Variants in TEAD1 observed in about 807,000 individuals in gnomAD.
The protein encoded by TEAD1 is TEA domain transcription factor 1.
TEAD1 carries 9 observed loss-of-function variants against 54.9 expected under a neutral mutation model. The ratio of observed to expected loss-of-function variants is 0.16; its 90% CI spans 0.10 to 0.29. The LOEUF is 0.29. TEAD1 is among the 10% of genes least tolerant of loss of function. The pLI is 1.00. For missense variants in TEAD1, 387 were observed against 535.9 expected (o/e 0.72, Z 2.74); for synonymous variants, 200 against 187.8 (o/e 1.07, Z -0.53).
intron 3 of TEAD1, among the ~76,000 whole-genome samples, chr11:12,833,270 T>C (rs1243291427): frequency 1.3e-5 from 2 of 152,142 alleles, no homozygotes; most frequent in Non-Finnish European, 2.9e-5. Flanking sequence ...ACTTTATCAA[T>C]GAGTTGAAAA....
chr11:12,745,949 TA>T (rs983852631), intron 2 of TEAD1, among the ~76,000 whole-genome samples: 36 of 152,340 alleles, frequency 2.4e-4, no homozygotes, highest in African/African-American at 8.7e-4. Flanking sequence ...TCTTGAGGCT[TA>T]CCTGCCTGGC....
intron 2 of TEAD1, among the ~76,000 whole-genome samples, chr11:12,727,978 A>T (rs1003272904): frequency 1.3e-5 from 2 of 151,978 alleles, no homozygotes; most frequent in Non-Finnish European, 2.9e-5. Flanking sequence ...TTGCCATTAT[A>T]CCACTGTTTC....
intron 2 of TEAD1, among the ~76,000 whole-genome samples, chr11:12,680,722 G>T (rs902963701): frequency 4.6e-5 from 7 of 152,192 alleles, no homozygotes; most frequent in Non-Finnish European, 8.8e-5. Context: ...ATCCCTACTG[G>T]GATAGGGGGA....
intron 3 of TEAD1, among the ~76,000 whole-genome samples, chr11:12,813,022 G>A (rs1393085817): frequency 1.3e-5 from 2 of 152,234 alleles, no homozygotes; most frequent in Non-Finnish European, 2.9e-5. Flanking sequence ...GAGCAGAATA[G>A]CTGGTGTCCA....
At chr11:12,819,871 G>A (rs1368623647) in intron 3 of TEAD1, among the ~76,000 whole-genome samples, 1 of 152,220 alleles carries the variant, frequency 6.6e-6, no homozygotes, top group African/African-American at 2.4e-5. Flanking sequence ...TGATTTTCAT[G>A]ATAAACATAG....
At chr11:12,689,922 C>T (rs997131589) in intron 2 of TEAD1, among the ~76,000 whole-genome samples, 43 of 151,892 alleles carry the variant, frequency 2.8e-4, no homozygotes, top group African/African-American at 1.0e-3. Context: ...CTATTGATAC[C>T]GTGATCACAC....
At chr11:12,849,379 C>G (rs1262986915) in intron 3 of TEAD1, 1 of 152,184 alleles carries the variant, frequency 6.6e-6, no homozygotes, top group East Asian at 1.9e-4. Flanking sequence ...CCCACCATCT[C>G]TAAACTCCGC....
intron 3 of TEAD1, among the ~76,000 whole-genome samples, chr11:12,798,453 G>C (rs904573731): frequency 6.6e-6 from 1 of 152,172 alleles, no homozygotes; most frequent in Non-Finnish European, 1.5e-5. Flanking sequence ...TAAAGACAGG[G>C]CTCCATTGGT....
At chr11:12,679,239 G>A (rs1397561645) in intron 2 of TEAD1, among the ~76,000 whole-genome samples, 2 of 152,102 alleles carry the variant, frequency 1.3e-5, no homozygotes, top group African/African-American at 2.4e-5. Context: ...CACCCACCCC[G>A]CCTTGTTTAA....
At chr11:12,767,880 A>G (rs536706930) in intron 3 of TEAD1, among the ~76,000 whole-genome samples, 1 of 152,140 alleles carries the variant, frequency 6.6e-6, no homozygotes, top group Non-Finnish European at 1.5e-5. Flanking sequence ...GCTACGTGTG[A>G]CTCTTTTCCT....
At chr11:12,846,734 A>G (rs913585252) in intron 3 of TEAD1, among the ~76,000 whole-genome samples, 30 of 152,348 alleles carry the variant, frequency 2.0e-4, no homozygotes, top group African/African-American at 6.5e-4. Flanking sequence ...GCTGAATGTT[A>G]TGCTCTCTGT....
At chr11:12,827,554 C>T (rs759952434) in intron 3 of TEAD1, among the ~76,000 whole-genome samples, 4 of 152,168 alleles carry the variant, frequency 2.6e-5, no homozygotes, top group Non-Finnish European at 5.9e-5. Context: ...TGATACAGCT[C>T]TTGAGAGACA....
At chr11:12,897,368 A>T (rs959515505) in intron 9 of TEAD1, among the ~76,000 whole-genome samples, 2 of 152,150 alleles carry the variant, frequency 1.3e-5, no homozygotes, top group Non-Finnish European at 2.9e-5. Flanking sequence ...TTTAGAATTC[A>T]TTTCATTAAA....
At chr11:12,745,108 TGAGTC>T (rs1944720983) in intron 2 of TEAD1, among the ~76,000 whole-genome samples, 1 of 152,200 alleles carries the variant, frequency 6.6e-6, no homozygotes, top group Non-Finnish European at 1.5e-5. Flanking sequence ...TGGGGAAAGA[TGAGTC>T]GAGTCTACGG....
intron 2 of TEAD1, among the ~76,000 whole-genome samples, chr11:12,752,717 A>T (rs909426528): frequency 5.3e-5 from 8 of 152,278 alleles, no homozygotes; most frequent in African/African-American, 1.9e-4. Context: ...AGCTCATGAG[A>T]TACAAGTAGT....
chr11:12,944,682 A>C lies in TEAD1; in HGVS notation c.*7460A>C, dbSNP rs1268257731. On this transcript the variant is annotated 3_prime_UTR_variant, in exon 13 of 13. Coordinates refer to ENST00000527636, the MANE Select transcript of TEAD1 (RefSeq NM_021961.6). ...TGGTAGACATTTTGTAGCTTTCTAG[A>C]AACTTTGTATTCATACGGTATCAAT... Among the ~76,000 whole-genome samples the C allele has an allele frequency of 6.6e-6, 1 of 152,210 alleles. No homozygotes were observed. The highest frequency in any genetic ancestry group is 1.5e-5 in the Non-Finnish European group (1 of 68,036).
At chr11:12,872,952 A>C (rs1326001950) in intron 5 of TEAD1, among the ~76,000 whole-genome samples, 1 of 152,142 alleles carries the variant, frequency 6.6e-6, no homozygotes, top group African/African-American at 2.4e-5. Flanking sequence ...TTGATTTATA[A>C]ATTAGGACAC....
intron 3 of TEAD1, among the ~76,000 whole-genome samples, chr11:12,778,655 A>G (rs1395063087): frequency 2.0e-5 from 3 of 151,614 alleles, no homozygotes; most frequent in South Asian, 2.1e-4. Flanking sequence ...CCTGGCACAC[A>G]TTAGGCCCCC....
chr11:12,914,012 A>G (rs1948664552), intron 10 of TEAD1, among the ~76,000 whole-genome samples: 1 of 152,230 alleles, frequency 6.6e-6, no homozygotes, highest in South Asian at 2.1e-4. Flanking sequence ...TCTATTGGAA[A>G]GAACTGGCCC....
Sources: gnomAD v4.1 joint callset for allele counts (sites outside exome capture counted in the v4.1 genomes callset) on GRCh38, gnomAD v4.1.1 for gene constraint, MANE v1.5 for transcripts, NCBI Gene and HGNC (gene_info 2026-07-23, HGNC 2026-07-21) for gene names.